Variants in GRIP1 observed in about 807,000 individuals in gnomAD.
The protein encoded by GRIP1 is glutamate receptor interacting protein 1.
GRIP1 carries 45 observed loss-of-function variants against 129.9 expected under a neutral mutation model. The observed-to-expected ratio is 0.35, with a 90% CI of 0.27 to 0.44. The LOEUF is 0.44. Among genes scored for constraint, GRIP1 ranks in the 20% least tolerant of loss-of-function variants. GRIP1 has a pLI of 1.00. For missense variants in GRIP1, 1,196 were observed against 1,396.8 expected (o/e 0.86, Z 2.29); for synonymous variants, 530 against 520.8 (o/e 1.02, Z -0.24).
At chr12:66,397,342 G>T (rs1344938227) in intron 16 of GRIP1, among the ~76,000 whole-genome samples, 1 of 151,508 alleles carries the variant, frequency 6.6e-6, no homozygotes. Context: ...CCAAAACCCC[G>T]TCTCTACTAA....
intron 7 of GRIP1, among the ~76,000 whole-genome samples, chr12:66,495,768 C>T (rs2060222382): frequency 6.6e-6 from 1 of 152,178 alleles, no homozygotes; most frequent in Non-Finnish European, 1.5e-5. Context: ...ATGTACCACT[C>T]AGCACGAAAT....
chr12:66,810,976 T>G (rs2039091340), intron 1 of GRIP1, among the ~76,000 whole-genome samples: 1 of 152,172 alleles, frequency 6.6e-6, no homozygotes, highest in African/African-American at 2.4e-5. Context: ...GATTTTGAGT[T>G]AAAAAGACAG....
intron 7 of GRIP1, among the ~76,000 whole-genome samples, chr12:66,510,287 T>G (rs1669738080): frequency 6.6e-6 from 1 of 152,114 alleles, no homozygotes; most frequent in Admixed American, 6.6e-5. Context: ...CCTCCTCAAT[T>G]TATTCTATAG....
At chr12:66,831,403 A>T (rs1358151395) in intron 1 of GRIP1, among the ~76,000 whole-genome samples, 1 of 152,220 alleles carries the variant, frequency 6.6e-6, no homozygotes, top group East Asian at 1.9e-4. Flanking sequence ...CAAGAATGAC[A>T]AGAGAATGAA....
intron 1 of GRIP1, among the ~76,000 whole-genome samples, chr12:66,972,401 G>A (rs530622052): frequency 1.3e-5 from 2 of 152,280 alleles, no homozygotes; most frequent in East Asian, 1.9e-4. Context: ...AATTCACTCT[G>A]TTGAAAGTTC....
chr12:66,681,469 G>A (rs942876615), upstream of GRIP1, among the ~76,000 whole-genome samples: 13 of 152,104 alleles, frequency 8.5e-5, no homozygotes, highest in African/African-American at 3.1e-4. Context: ...AATGGCCAAG[G>A]CAACCGGTGG....
At chr12:66,704,118 TTGAC>T (rs1464128756) in intron 1 of GRIP1, among the ~76,000 whole-genome samples, 4 of 152,038 alleles carry the variant, frequency 2.6e-5, no homozygotes, top group African/African-American at 9.7e-5. Context: ...GATGGTGAAA[TTGAC>T]TAACTACTCC....
chr12:67,015,368 A>G (rs1398469705), intron 1 of GRIP1, among the ~76,000 whole-genome samples: 2 of 152,180 alleles, frequency 1.3e-5, no homozygotes, highest in African/African-American at 4.8e-5. Context: ...AACGTGCCTA[A>G]GTATATTTCA....
intron 15 of GRIP1, among the ~76,000 whole-genome samples, chr12:66,414,751 T>G (rs1199361013): frequency 6.6e-6 from 1 of 151,722 alleles, no homozygotes; most frequent in East Asian, 1.9e-4. Context: ...AGCAGACATA[T>G]AGACCAAAGG....
intron 1 of GRIP1, among the ~76,000 whole-genome samples, chr12:66,706,637 C>A (rs761184886): frequency 9.9e-5 from 15 of 152,000 alleles, no homozygotes; most frequent in Admixed American, 1.3e-4. Context: ...CAATGATAGA[C>A]TGGATAAAGA....
chr12:66,465,063 G>C (rs1387410508), intron 8 of GRIP1, among the ~76,000 whole-genome samples: 1 of 151,366 alleles, frequency 6.6e-6, no homozygotes, highest in Non-Finnish European at 1.5e-5. Flanking sequence ...TCATGCCTCA[G>C]CCTCCCGAGT....
chr12:66,678,210 G>T (rs919723138), intron 1 of GRIP1, among the ~76,000 whole-genome samples: 8 of 149,900 alleles, frequency 5.3e-5, no homozygotes. Context: ...TACTATTTTA[G>T]AGTTCTAAGA....
In GRIP1 at chr12:66,484,151, G is replaced by A. The variant is rs558618351; in HGVS notation, c.725-18729C>T. On this transcript the variant is annotated intron_variant, in intron 7 of 24. Coordinates refer to ENST00000359742, the MANE Select transcript of GRIP1 (RefSeq NM_001366722.1). Reference sequence around the variant, plus strand: ...TAGGATTACAGGCGTGAGCCACTGCGCCCGGCCCATTATCCTAACTTCTAA... The same window carrying A: ...TAGGATTACAGGCGTGAGCCACTGCACCCGGCCCATTATCCTAACTTCTAA... 3.9e-3 allele frequency among the ~76,000 whole-genome samples: 601 copies of A among 152,226 alleles called. 7 individuals are homozygous for A. The highest frequency in any genetic ancestry group is 4.1e-3 in the Non-Finnish European group (281 of 68,004).
At chr12:66,761,665 C>G (rs541930848) in intron 1 of GRIP1, among the ~76,000 whole-genome samples, 1 of 152,146 alleles carries the variant, frequency 6.6e-6, no homozygotes, top group Admixed American at 6.6e-5. Context: ...TGTGCCTTTC[C>G]TTTGGAGTCT....
chr12:66,889,807 GTAA>G (rs1252736090), intron 1 of GRIP1, among the ~76,000 whole-genome samples: 2 of 152,206 alleles, frequency 1.3e-5, no homozygotes, highest in East Asian at 3.8e-4. Flanking sequence ...ATTTCTAATA[GTAA>G]TAATAACTGC....
intron 1 of GRIP1, among the ~76,000 whole-genome samples, chr12:66,633,066 G>T (rs1421227601): frequency 4.6e-5 from 7 of 151,646 alleles, no homozygotes; most frequent in Non-Finnish European, 8.8e-5. Flanking sequence ...AGGCTAGAGC[G>T]CAGTGACACA....
intron 1 of GRIP1, among the ~76,000 whole-genome samples, chr12:66,802,216 T>C (rs2136918513): frequency 6.6e-6 from 1 of 152,270 alleles, no homozygotes; most frequent in East Asian, 1.9e-4. Context: ...ACACATTCTG[T>C]TTATTATGTA....
At chr12:66,817,968 T>C (rs985377745) in intron 1 of GRIP1, among the ~76,000 whole-genome samples, 18 of 152,196 alleles carry the variant, frequency 1.2e-4, no homozygotes. Flanking sequence ...AAATCTGAAA[T>C]GTAGTTGGAA....
At chr12:66,808,401 G>A (rs560494348), upstream of GRIP1, among the ~76,000 whole-genome samples, 3 of 151,974 alleles carry the variant, frequency 2.0e-5, no homozygotes, top group Middle Eastern at 3.2e-3. Context: ...AGGTTCAAGC[G>A]ATTCTCCTGC....
Sources: allele counts gnomAD v4.1 joint callset (sites outside exome capture counted in the v4.1 genomes callset), GRCh38; gene constraint gnomAD v4.1.1; transcripts MANE v1.5; gene names NCBI Gene and HGNC (gene_info 2026-07-23, HGNC 2026-07-21).